Variants in IKZF3 observed in about 807,000 individuals in gnomAD.
IKZF3 encodes the protein IKAROS family zinc finger 3.
IKZF3 carries 10 observed loss-of-function variants against 49.0 expected under a neutral mutation model. The ratio of observed to expected loss-of-function variants is 0.20; its 90% CI spans 0.13 to 0.35. The LOEUF is 0.35. IKZF3 is among the 10% of genes least tolerant of loss of function. The pLI is 1.00. For synonymous variants in IKZF3, 209 were observed against 228.2 expected, an observed-to-expected ratio of 0.92 and a Z score of 0.76; for missense variants, 498 against 664.8, an observed-to-expected ratio of 0.75 and a Z score of 2.76.
At chr17:39,792,095 G>A (rs577992736) in intron 4 of IKZF3, among the ~76,000 whole-genome samples, 2 of 151,642 alleles carry the variant, frequency 1.3e-5, no homozygotes, top group South Asian at 2.1e-4. Context: ...AATCTCCTTT[G>A]AAAAAAGAGC....
At chr17:39,767,142 T>C (rs1297481776) in intron 7 of IKZF3, among the ~76,000 whole-genome samples, 1 of 152,156 alleles carries the variant, frequency 6.6e-6, no homozygotes, top group Non-Finnish European at 1.5e-5. Context: ...AGAAAAGTTT[T>C]CTTGAGAAGA....
chr17:39,817,677 A>G (rs1392140785), intron 3 of IKZF3, among the ~76,000 whole-genome samples: 1 of 152,226 alleles, frequency 6.6e-6, no homozygotes, highest in Non-Finnish European at 1.5e-5. Flanking sequence ...TATAACTTCT[A>G]TCGGGCAATG....
At chr17:39,821,164 C>G (rs1327609031) in intron 3 of IKZF3, among the ~76,000 whole-genome samples, 1 of 152,094 alleles carries the variant, frequency 6.6e-6, no homozygotes, top group Non-Finnish European at 1.5e-5. Context: ...GGGCCTGGTA[C>G]TTGAGACTGG....
intron 7 of IKZF3, among the ~76,000 whole-genome samples, chr17:39,770,952 C>T (rs1373153086): frequency 1.3e-5 from 2 of 151,974 alleles, no homozygotes; most frequent in African/African-American, 4.8e-5. Context: ...ACTACAGGCA[C>T]GTGCCACTAT....
chr17:39,788,181 C>T (rs1598008189), intron 6 of IKZF3, 77 bp downstream of exon 6: 11 of 826,420 alleles, frequency 1.3e-5, no homozygotes, highest in Middle Eastern at 2.2e-4. Flanking sequence ...ATAAACTCCA[C>T]GAGTCTTTTT....
chr17:39,845,900 G>A (rs112677036), intron 1 of IKZF3, among the ~76,000 whole-genome samples: 3,607 of 152,148 alleles, frequency 0.024, 60 homozygotes, highest in Non-Finnish European at 0.036. Flanking sequence ...TAAAAATATC[G>A]ACCACAGGAT....
intron 6 of IKZF3, among the ~76,000 whole-genome samples, chr17:39,783,757 C>T (rs1299125721): frequency 2.6e-5 from 4 of 152,138 alleles, no homozygotes; most frequent in African/African-American, 7.2e-5. Flanking sequence ...GGTGAAACCC[C>T]GTCTCTACTA....
At chr17:39,803,638 G>A (rs1031467354) in intron 3 of IKZF3, among the ~76,000 whole-genome samples, 1 of 151,216 alleles carries the variant, frequency 6.6e-6, no homozygotes, top group Non-Finnish European at 1.5e-5. Flanking sequence ...CTCAGCCTCC[G>A]GAGTAGCTGG....
chr17:39,793,092 C>A (rs776098635), intron 3 of IKZF3, among the ~76,000 whole-genome samples, 159 bp from the exon 4 acceptor site: 1 of 152,156 alleles, frequency 6.6e-6, no homozygotes, highest in African/African-American at 2.4e-5. Context: ...CGTGACCGCA[C>A]GTTATTTAAA....
intron 3 of IKZF3, among the ~76,000 whole-genome samples, chr17:39,796,098 G>C (rs73302152): frequency 0.057 from 8,734 of 152,084 alleles, 387 homozygotes; most frequent in African/African-American, 0.12. Context: ...TGAGATTCCT[G>C]AGAGATATTA....
intron 3 of IKZF3, 98 bp from the exon 4 acceptor site, chr17:39,793,031 A>G (rs1316862123): frequency 3.4e-6 from 4 of 1,193,584 alleles, no homozygotes; most frequent in African/African-American, 3.0e-5. Context: ...TTAAATACCA[A>G]TCGAAGCTAA....
intron 1 of IKZF3, among the ~76,000 whole-genome samples, chr17:39,854,227 A>G (rs2062972445): frequency 6.6e-6 from 1 of 152,192 alleles, no homozygotes; most frequent in Non-Finnish European, 1.5e-5. Flanking sequence ...CAATTATTCC[A>G]GAAGACAGAA....
intron 3 of IKZF3, among the ~76,000 whole-genome samples, chr17:39,828,924 A>G (rs909227435): frequency 6.6e-6 from 1 of 151,988 alleles, no homozygotes; most frequent in South Asian, 2.1e-4. Flanking sequence ...TCACTAAAAC[A>G]TGGGAGGCGG....
intron 1 of IKZF3, among the ~76,000 whole-genome samples, chr17:39,848,893 G>A (rs1042798918): frequency 6.6e-6 from 1 of 152,044 alleles, no homozygotes; most frequent in Non-Finnish European, 1.5e-5. Flanking sequence ...ATGTTGCCCA[G>A]GCTGGTTTTA....
chr17:39,829,407 T>C lies in IKZF3; in HGVS notation c.143A>G (p.Asn48Ser), dbSNP rs1235324913. 6.2e-7 allele frequency: 1 copy of C among 1,613,794 alleles called. No homozygotes were observed. The highest frequency in any genetic ancestry group is 1.1e-5 in the South Asian group (1 of 91,086). Residue 48 changes from asparagine (N) to serine (S), a missense_variant, in exon 3 of 8, where the codon AAT becomes AGT. Physicochemically the swap from Asn to Ser is conservative, Grantham distance 46. Coordinates refer to ENST00000346872, the MANE Select transcript of IKZF3 (RefSeq NM_012481.5). The part of the protein sequence containing the change: ...ENVDSGEGPA[N>S]EDEDIGDDSM... ...CTCACCTCCTATGTCTTCATCTTCATTGGCTGGGCCTTCTCCACTGTCCAC... is the reference window on the plus strand; with the variant it reads ...CTCACCTCCTATGTCTTCATCTTCACTGGCTGGGCCTTCTCCACTGTCCAC...
intron 3 of IKZF3, among the ~76,000 whole-genome samples, chr17:39,812,970 C>T (rs367568409): frequency 1.3e-5 from 2 of 152,014 alleles, no homozygotes; most frequent in African/African-American, 4.8e-5. Flanking sequence ...GGTGTGGTGG[C>T]GGGCGCCTGT....
At chr17:39,826,053 T>C (rs2061948496) in intron 3 of IKZF3, among the ~76,000 whole-genome samples, 1 of 152,146 alleles carries the variant, frequency 6.6e-6, no homozygotes, top group African/African-American at 2.4e-5. Flanking sequence ...GTAGTTTTTT[T>C]GTTTGTTGAG....
intron 1 of IKZF3, among the ~76,000 whole-genome samples, chr17:39,843,808 TAAAAA>T (rs79751726): frequency 7.5e-6 from 1 of 132,838 alleles, no homozygotes; most frequent in Admixed American, 7.6e-5. Context: ...CTCCGTCTTT[TAAAAA>T]AAAAAAAAAA....
chr17:39,793,248 C>T (rs1598024597), intron 3 of IKZF3, among the ~76,000 whole-genome samples: 1 of 152,196 alleles, frequency 6.6e-6, no homozygotes, highest in East Asian at 1.9e-4. Flanking sequence ...AGCAACTCTT[C>T]TCCAGTACTA....
Sources: allele counts gnomAD v4.1 joint callset (sites outside exome capture counted in the v4.1 genomes callset), GRCh38; gene constraint gnomAD v4.1.1; transcripts MANE v1.5; gene names NCBI Gene and HGNC (gene_info 2026-07-23, HGNC 2026-07-21).